CEACAM6: variants seen among roughly 807,000 people sequenced by gnomAD.
CEACAM6 encodes the protein CEA cell adhesion molecule 6, also known as cell adhesion molecule CEACAM6.
CEACAM6 carries 21 observed loss-of-function variants against 32.4 expected under a neutral mutation model. The ratio of observed to expected loss-of-function variants is 0.65; its 90% CI spans 0.46 to 0.93. CEACAM6 has a LOEUF of 0.93. Among genes scored for constraint, CEACAM6 ranks in the 40% least tolerant of loss-of-function variants. CEACAM6 has a pLI of 0.00. For missense variants in CEACAM6, 406 were observed against 432.2 expected, an observed-to-expected ratio of 0.94 and a Z score of 0.54; for synonymous variants, 184 against 174.4, an observed-to-expected ratio of 1.06 and a Z score of -0.43.
At chr19:41,767,234 C>T (rs1329244239) in intron 5 of CEACAM6, among the ~76,000 whole-genome samples, 7 of 152,162 alleles carry the variant, frequency 4.6e-5, no homozygotes, top group African/African-American at 1.7e-4. Flanking sequence ...GATCTCCCCT[C>T]CACTACCTGC....
rs531861345 is a variant in CEACAM6, at chr19:41,756,972, A to C, written c.424+13A>C. The stretch of plus-strand genomic sequence containing the variant: ...TTCCATGTATACCGTGAGTATTTCC[A>C]CATGACCTCTGGGTGTTGGGGGTCA... On this transcript the variant is annotated intron_variant, in intron 2 of 5. Transcript: ENST00000199764. The C allele has an allele frequency of 1.2e-4, 192 of 1,586,352 alleles. No individual in the cohort carries two copies. In the African/African-American group the frequency reaches 2.3e-3, roughly 19 times the overall value.
At chr19:41,757,307 G>A (rs570279288) in intron 2 of CEACAM6, among the ~76,000 whole-genome samples, 123 of 152,038 alleles carry the variant, frequency 8.1e-4, no homozygotes, top group African/African-American at 2.8e-3. Context: ...GTCCCCCTAG[G>A]GACCCCTCAG....
At chr19:41,761,178 C>G (rs550075849) in intron 2 of CEACAM6, 71 bp from the exon 3 acceptor site, 58 of 1,607,574 alleles carry the variant, frequency 3.6e-5, no homozygotes, top group Non-Finnish European at 4.9e-5. Context: ...GATGCCAACT[C>G]TGATTGAAAG....
Position 41,762,213 on chromosome 19 carries a change from C to T in CEACAM6, c.948C>T (p.Ile316=), listed in dbSNP as rs1000525945. The change falls in exon 4 of 6, where the codon ATC becomes ATT. Residue 316 remains isoleucine, a synonymous_variant. Transcript: ENST00000199764. ...TGLNRTTVTM[I]TVSGSAPVLS... ...TCAATAGGACCACAGTCACGATGAT[C>T]ACAGTCTCTGGTAAGTGGATCCATG... is the stretch of plus-strand genomic sequence containing the variant. 1 of 1,613,702 alleles carries T rather than the reference C, an allele frequency of 6.2e-7. No individual in the cohort carries two copies. The highest frequency in any genetic ancestry group is 1.7e-5 in the Admixed American group (1 of 59,998).
intron 2 of CEACAM6, among the ~76,000 whole-genome samples, chr19:41,759,027 C>T (rs1286606032): frequency 6.6e-6 from 1 of 152,220 alleles, no homozygotes; most frequent in Non-Finnish European, 1.5e-5. Context: ...ACTGACTCAC[C>T]AGGCAGTCAG....
At chr19:41,758,355 G>A (rs2072901964) in intron 2 of CEACAM6, among the ~76,000 whole-genome samples, 1 of 152,096 alleles carries the variant, frequency 6.6e-6, no homozygotes, top group Non-Finnish European at 1.5e-5. Context: ...TCTTGAAAAA[G>A]GGAAGAAAGG....
In CEACAM6 at chr19:41,755,686, G is replaced by A. The variant is rs1451299459; in HGVS notation, c.48G>A (p.Lys16=). 2.5e-6 allele frequency: 4 copies of A among 1,605,714 alleles called. No homozygotes were observed. The African/African-American group carries it at 5.4e-5, about 22-fold the overall frequency. ...CCTGCAGATTGCATGTCCCCTGGAA[G>A]GAGGTCCTGCTCACAGGTGAGGGGA... ...APPCRLHVPW[K]EVLLTASLLT... The change falls in exon 1 of 6, where the codon AAG becomes AAA. Residue 16 remains lysine, a synonymous_variant. Transcript: ENST00000199764.
intron 2 of CEACAM6, chr19:41,758,001 T>G (rs1048006483): frequency 1.4e-4 from 22 of 152,222 alleles, no homozygotes; most frequent in African/African-American, 5.3e-4. Flanking sequence ...TGTTTGTTGT[T>G]AGGCATCTGC....
chr19:41,762,791 G>C (rs2072934698), intron 4 of CEACAM6, among the ~76,000 whole-genome samples: 4 of 152,206 alleles, frequency 2.6e-5, no homozygotes, highest in Admixed American at 2.6e-4. Flanking sequence ...GGCATATGGA[G>C]AAGGTGCCCA....
intron 5 of CEACAM6, among the ~76,000 whole-genome samples, chr19:41,768,231 G>T (rs2072967880): frequency 4.6e-5 from 7 of 152,198 alleles, no homozygotes; most frequent in Admixed American, 4.6e-4. Context: ...GTTTTCCTAG[G>T]CAGAGGACCC....
At chr19:41,760,976 C>T (rs576771702) in intron 2 of CEACAM6, among the ~76,000 whole-genome samples, 8 of 152,358 alleles carry the variant, frequency 5.3e-5, no homozygotes, top group African/African-American at 1.2e-4. Flanking sequence ...GCACAAGGGG[C>T]TGTGACCCCG....
chr19:41,770,255 CAAAAAAAA>C (rs1158293587), intron 5 of CEACAM6, among the ~76,000 whole-genome samples: 1 of 40,536 alleles, frequency 2.5e-5, no homozygotes, highest in Non-Finnish European at 6.2e-5. Flanking sequence ...GCTAAAAATA[CAAAAAAAA>C]AAAAAAAAAA....
At chr19:41,756,322 T>C (rs532233130) in intron 1 of CEACAM6, among the ~76,000 whole-genome samples, 2 of 152,172 alleles carry the variant, frequency 1.3e-5, no homozygotes, top group African/African-American at 4.8e-5. Flanking sequence ...TGCCCTGATG[T>C]GAGCAGGACC....
In CEACAM6 at chr19:41,771,614, C is replaced by T. The variant is rs567030715; in HGVS notation, c.*853C>T. 9 of 152,300 alleles carry T rather than the reference C, an allele frequency of 5.9e-5. No homozygotes were observed. In the South Asian group the frequency reaches 1.2e-3, roughly 21 times the overall value. 9.4% of individuals were successfully genotyped at this position (152,300 alleles called of 1,614,324 possible). A position where few individuals can be genotyped will look rare whatever the true frequency, so the allele number is the denominator to read the frequency against. ...TAGTCCAACTCTTGGTATTACCCTC[C>T]TAATAGTCATACTAGTAGTCATACT... On this transcript the variant is annotated 3_prime_UTR_variant, in exon 6 of 6. Transcript: ENST00000199764.
At chr19:41,770,256 A>C (rs1248179737) in intron 5 of CEACAM6, among the ~76,000 whole-genome samples, 1,318 of 122,348 alleles carry the variant, frequency 0.011, 28 homozygotes, top group Non-Finnish European at 0.016. Context: ...CTAAAAATAC[A>C]AAAAAAAAAA....
intron 2 of CEACAM6, among the ~76,000 whole-genome samples, chr19:41,760,328 TCTC>T (rs1454816895): frequency 1.3e-5 from 2 of 152,152 alleles, no homozygotes; most frequent in Non-Finnish European, 2.9e-5. Flanking sequence ...TTGCAAAACT[TCTC>T]CTCAAATTTC....
intron 5 of CEACAM6, among the ~76,000 whole-genome samples, chr19:41,768,092 TA>T (rs2072966938): frequency 2.6e-5 from 4 of 151,466 alleles, no homozygotes; most frequent in Admixed American, 1.3e-4. Context: ...TATTTATTTT[TA>T]TTTTTTTTTA....
Position 41,771,902 on chromosome 19 carries a change from GGAA to G in CEACAM6, c.*1147_*1149del, listed in dbSNP as rs370118134. 20 of 151,660 alleles carry G rather than the reference GGAA, an allele frequency of 1.3e-4. No individual in the cohort carries two copies. The East Asian group carries it at 3.3e-3, about 25-fold the overall frequency. The allele number at this position is 151,660 out of a possible 1,614,324, so 9.4% of individuals were successfully genotyped here. On this transcript the variant is annotated 3_prime_UTR_variant, in exon 6 of 6. Coordinates refer to ENST00000199764, the MANE Select transcript of CEACAM6 (RefSeq NM_002483.7). ...CTACATACTCCAACTGAAATGTTAA[GGAA>G]GAAGATAGATCCAATTAAAAAAAAT...
At chr19:41,756,476 AC>A (rs2072885905) in intron 1 of CEACAM6, 123 bp from the exon 2 acceptor site, 30 of 1,411,766 alleles carry the variant, frequency 2.1e-5, no homozygotes, top group Non-Finnish European at 2.7e-5. Flanking sequence ...ACACACACAC[AC>A]ACACACACAC....
Sources: gnomAD v4.1 joint callset for allele counts (sites outside exome capture counted in the v4.1 genomes callset) on GRCh38, gnomAD v4.1.1 for gene constraint, MANE v1.5 for transcripts, NCBI Gene and HGNC (gene_info 2026-07-23, HGNC 2026-07-21) for gene names.